Variants in PIGX observed in about 807,000 individuals in gnomAD.
PIGX encodes phosphatidylinositol glycan anchor biosynthesis class X.
PIGX carries 24 observed loss-of-function variants against 28.7 expected under a neutral mutation model. That is an observed-to-expected ratio of 0.84 (90% confidence interval 0.60 to 1.17). PIGX has a LOEUF of 1.17. Among genes scored for constraint, PIGX ranks in the 50% most tolerant of loss-of-function variants. The probability of loss-of-function intolerance (pLI) is 0.00; values close to 1 mark genes in which losing one functional copy is unlikely to be tolerated. For synonymous variants in PIGX, 127 were observed against 121.0 expected (o/e 1.05, Z -0.33); for missense variants, 305 against 317.8 (o/e 0.96, Z 0.31).
chr3:196,721,249 C>A, intron 2 of PIGX: 1 of 339,160 alleles, frequency 2.9e-6, no homozygotes, highest in Non-Finnish European at 5.7e-6. Context: ...TTTTTTCTCC[C>A]TGGTCTTTTT....
chr3:196,728,245 G>A (rs1712604887), intron 4 of PIGX, 109 bp downstream of exon 4: 1 of 760,990 alleles, frequency 1.3e-6, no homozygotes, highest in Non-Finnish European at 2.2e-6. Flanking sequence ...TGACCTAGGT[G>A]GTAGTTACAA....
intron 2 of PIGX, chr3:196,717,821 G>A (rs907293807): frequency 6.6e-6 from 1 of 152,062 alleles, no homozygotes; most frequent in African/African-American, 2.4e-5. Flanking sequence ...GATTCTAAAT[G>A]ACCAAGCTGT....
chr3:196,719,910 C>T (rs1712247424), intron 2 of PIGX, among the ~76,000 whole-genome samples: 2 of 152,054 alleles, frequency 1.3e-5, no homozygotes, highest in Non-Finnish European at 2.9e-5. Flanking sequence ...CTGCCTCAGC[C>T]TCCCGATTAC....
intron 2 of PIGX, among the ~76,000 whole-genome samples, chr3:196,721,827 A>G (rs565096659): frequency 3.3e-5 from 5 of 151,778 alleles, no homozygotes; most frequent in African/African-American, 1.2e-4. Flanking sequence ...ATCTTGGTTC[A>G]TTGCACCCTC....
Position 196,733,487 on chromosome 3 carries a change from T to C in PIGX, c.634-272T>C, listed in dbSNP as rs1712893056. On this transcript the variant is annotated intron_variant, in intron 5 of 5. Transcript: ENST00000392391. The surrounding 1 kb of genome is among the most constrained non-coding windows in gnomAD (Gnocchi z 4.3). Reference sequence around the variant, plus strand: ...GTACAGTGGCACGATCTCAGCTCACTGCAAACCTCCGCCTCCCGGGTTCAA... The same window carrying C: ...GTACAGTGGCACGATCTCAGCTCACCGCAAACCTCCGCCTCCCGGGTTCAA... Among the ~76,000 whole-genome samples the C allele has an allele frequency of 6.6e-6, 1 of 152,108 alleles. No individual in the cohort carries two copies. Among genetic ancestry groups the C allele is most frequent in the African/African-American group, 2.4e-5 (1 of 41,422 alleles).
chr3:196,727,964 C>T lies in PIGX; in HGVS notation c.360C>T (p.Asn120=). 6.2e-7 allele frequency: 1 copy of T among 1,613,780 alleles called. No homozygotes were observed. Among genetic ancestry groups the T allele is most frequent in the Non-Finnish European group, 8.5e-7 (1 of 1,179,662 alleles). Reference sequence around the variant, plus strand: ...AAAATTTTGATATAGAGGCCCCTAACTATTTGTCCAAGGAGTCTGAAGTTC... The same window carrying T: ...AAAATTTTGATATAGAGGCCCCTAATTATTTGTCCAAGGAGTCTGAAGTTC... The change falls in exon 4 of 6, where the codon AAC becomes AAT. Residue 120 remains asparagine, a synonymous_variant. Transcript: ENST00000392391.
At position 196,717,171 on chromosome 3, in the gene PIGX, C is replaced by T. The variant is rs143554886; in HGVS notation, c.176+250C>T. 8.0e-3 allele frequency among the ~76,000 whole-genome samples: 1,219 copies of T among 152,026 alleles called. 12 individuals are homozygous for T. Among genetic ancestry groups the T allele is most frequent in the African/African-American group, 0.028 (1,164 of 41,466 alleles). Reference sequence around the variant, plus strand: ...AAAATTAGTTGGGCATGATGGTACACACACCTATAGTCCCAGCTACTTCAG... The same window carrying T: ...AAAATTAGTTGGGCATGATGGTACATACACCTATAGTCCCAGCTACTTCAG... On this transcript the variant is annotated intron_variant, in intron 2 of 5. Coordinates refer to ENST00000392391, the MANE Select transcript of PIGX (RefSeq NM_017861.4).
chr3:196,732,288 A>ATTTAT (rs1712839333), intron 5 of PIGX, among the ~76,000 whole-genome samples: 2 of 45,304 alleles, frequency 4.4e-5, no homozygotes, highest in African/African-American at 9.7e-5. Flanking sequence ...TTTTTATTTT[A>ATTTAT]TTTTTTTTTT....
chr3:196,713,425 C>G (rs568424107), intron 1 of PIGX, among the ~76,000 whole-genome samples: 28 of 151,992 alleles, frequency 1.8e-4, no homozygotes, highest in African/African-American at 6.5e-4. Context: ...GCTTCAGCCT[C>G]CCAAGTAGCT....
At chr3:196,731,821 C>CTTATTTAT (rs200642879) in intron 5 of PIGX, among the ~76,000 whole-genome samples, 1 of 151,594 alleles carries the variant, frequency 6.6e-6, no homozygotes, top group Admixed American at 6.6e-5. Context: ...TTCAGTTGTC[C>CTTATTTAT]TTATTTATTT....
chr3:196,732,282 TA>T (rs1560080874), intron 5 of PIGX, among the ~76,000 whole-genome samples: 6,892 of 82,512 alleles, frequency 0.084, 672 homozygotes, highest in Non-Finnish European at 0.094. Context: ...TTTTTTTTTT[TA>T]TTTTATTTTT....
chr3:196,714,445 CAG>C (rs1266444144), intron 1 of PIGX, among the ~76,000 whole-genome samples: 1 of 148,864 alleles, frequency 6.7e-6, no homozygotes, highest in Non-Finnish European at 1.5e-5. Context: ...GCTTGTGTGA[CAG>C]AGTAAGGCCC....
chr3:196,712,815 C>G (rs529943551), intron 1 of PIGX, 171 bp downstream of exon 1: 2 of 1,103,198 alleles, frequency 1.8e-6, no homozygotes, highest in South Asian at 4.5e-5. Context: ...GTGCGCTTTG[C>G]TCTGCGGCGG....
Position 196,732,286 on chromosome 3 carries a change from T to A in PIGX, c.633+1194T>A, listed in dbSNP as rs1486834579. 8.3e-5 allele frequency among the ~76,000 whole-genome samples: 7 copies of A among 84,288 alleles called. 1 individual carries two copies. Among genetic ancestry groups the A allele is most frequent in the Non-Finnish European group, 1.1e-4 (5 of 44,278 alleles). 55.3% of individuals were successfully genotyped at this position (84,288 alleles called of 152,430 possible). A position where few individuals can be genotyped will look rare whatever the true frequency, so the allele number is the denominator to read the frequency against. ...ATTTTATTTTATTTTTTTTTTTATT[T>A]TATTTTTTTTTTTGAGACGGAGTCT... On this transcript the variant is annotated intron_variant, in intron 5 of 5. Coordinates refer to ENST00000392391, the MANE Select transcript of PIGX (RefSeq NM_017861.4).
At chr3:196,732,777 A>C (rs1712866204) in intron 5 of PIGX, among the ~76,000 whole-genome samples, 1 of 152,206 alleles carries the variant, frequency 6.6e-6, no homozygotes, top group African/African-American at 2.4e-5. Context: ...AAAAAGAAAA[A>C]GTATTCCCAA....
At chr3:196,721,990 A>G (rs964551312) in intron 2 of PIGX, among the ~76,000 whole-genome samples, 2 of 152,150 alleles carry the variant, frequency 1.3e-5, no homozygotes, top group African/African-American at 4.8e-5. Context: ...GAGCTCAGGC[A>G]GTCCACCTGC....
chr3:196,723,732 A>G (rs975430089), intron 3 of PIGX, among the ~76,000 whole-genome samples: 1 of 151,802 alleles, frequency 6.6e-6, no homozygotes, highest in Admixed American at 6.6e-5. Context: ...TAATCTACTT[A>G]CGAATTTTTA....
intron 1 of PIGX, chr3:196,712,985 C>A: frequency 2.0e-6 from 2 of 995,986 alleles, no homozygotes; most frequent in Non-Finnish European, 2.4e-6. Flanking sequence ...CAGGCAAGGC[C>A]TTAGCGCCCT....
intron 1 of PIGX, 195 bp downstream of exon 1, chr3:196,712,839 G>A (rs1711888306): frequency 9.1e-7 from 1 of 1,095,438 alleles, no homozygotes; most frequent in Non-Finnish European, 1.1e-6. Context: ...CCGGGTCTCC[G>A]GGAGAGTCGG....
Sources: allele counts gnomAD v4.1 joint callset (sites outside exome capture counted in the v4.1 genomes callset), GRCh38; gene constraint gnomAD v4.1.1; non-coding constraint Gnocchi (gnomAD v3.1); transcripts MANE v1.5; gene names NCBI Gene and HGNC (gene_info 2026-07-23, HGNC 2026-07-21).